Variants in TEAD1 observed in about 807,000 individuals in gnomAD.
TEAD1 encodes the protein transcriptional enhancer factor TEF-1.
In TEAD1, 9 loss-of-function variants were observed where a neutral mutation model predicts 54.9. The ratio of observed to expected loss-of-function variants is 0.16; its 90% CI spans 0.10 to 0.29. The LOEUF (loss-of-function observed/expected upper bound fraction) is 0.29. Among genes scored for constraint, TEAD1 ranks in the 10% least tolerant of loss-of-function variants. The pLI, the probability that TEAD1 is intolerant of heterozygous loss-of-function variation, is 1.00. For missense variants in TEAD1, 387 were observed against 535.9 expected, an observed-to-expected ratio of 0.72 and a Z score of 2.74; for synonymous variants, 200 against 187.8, an observed-to-expected ratio of 1.07 and a Z score of -0.53.
At chr11:12,726,369 G>C (rs1039446675) in intron 2 of TEAD1, among the ~76,000 whole-genome samples, 2 of 152,190 alleles carry the variant, frequency 1.3e-5, no homozygotes, top group African/African-American at 4.8e-5. Context: ...TATGTGCTTG[G>C]AGACCGCAGA....
intron 2 of TEAD1, among the ~76,000 whole-genome samples, chr11:12,689,657 G>A (rs955683844): frequency 3.3e-5 from 5 of 152,098 alleles, no homozygotes; most frequent in African/African-American, 1.2e-4. Context: ...GAAGGAGGGG[G>A]TCAGGAGCAG....
intron 3 of TEAD1, among the ~76,000 whole-genome samples, chr11:12,852,801 C>T (rs992887115): frequency 2.6e-5 from 4 of 152,150 alleles, no homozygotes; most frequent in Non-Finnish European, 5.9e-5. Context: ...ATGTGAAAGA[C>T]ATGGACTGTA....
chr11:12,730,821 C>G (rs1157505119), intron 2 of TEAD1, among the ~76,000 whole-genome samples: 1 of 151,156 alleles, frequency 6.6e-6, no homozygotes, highest in African/African-American at 2.4e-5. Flanking sequence ...ATGCCTCAGC[C>G]TCCCAAGCAG....
At chr11:12,931,428 C>G (rs1949008722) in intron 12 of TEAD1, among the ~76,000 whole-genome samples, 1 of 152,192 alleles carries the variant, frequency 6.6e-6, no homozygotes, top group African/African-American at 2.4e-5. Flanking sequence ...CAAGGCTATA[C>G]TGTGGCCAAA....
chr11:12,930,043 T>C, intron 11 of TEAD1, 131 bp from the exon 12 acceptor site: 3 of 959,480 alleles, frequency 3.1e-6, no homozygotes, highest in Non-Finnish European at 4.9e-6. Context: ...TTAAGTAGAT[T>C]ACGTAAGTAG....
intron 2 of TEAD1, among the ~76,000 whole-genome samples, chr11:12,734,966 C>T (rs1029118986): frequency 1.3e-5 from 2 of 152,112 alleles, no homozygotes; most frequent in Non-Finnish European, 2.9e-5. Flanking sequence ...TTTGAAAGAT[C>T]TAAGATGATA....
At chr11:12,701,379 A>G (rs928654341) in intron 2 of TEAD1, among the ~76,000 whole-genome samples, 1 of 152,202 alleles carries the variant, frequency 6.6e-6, no homozygotes. Context: ...TTACTTTTCC[A>G]GAACCTGTAG....
At chr11:12,749,588 C>G (rs1046113245) in intron 2 of TEAD1, among the ~76,000 whole-genome samples, 2 of 152,000 alleles carry the variant, frequency 1.3e-5, no homozygotes, top group African/African-American at 4.8e-5. Context: ...CTCACAGCAC[C>G]CTGGGCCATG....
intron 3 of TEAD1, among the ~76,000 whole-genome samples, chr11:12,817,673 C>T (rs980158307): frequency 6.6e-6 from 1 of 152,072 alleles, no homozygotes; most frequent in Admixed American, 6.6e-5. Context: ...TCAATGTTAA[C>T]GTGTTAATAT....
chr11:12,821,961 C>CTTTTCTTTTTTTTTTTTT (rs1946556887), intron 3 of TEAD1, among the ~76,000 whole-genome samples: 1 of 68,084 alleles, frequency 1.5e-5, no homozygotes. Flanking sequence ...TTCTCTTTTC[C>CTTTTCTTTTTTTTTTTTT]TTTTTTTTTT....
At chr11:12,851,815 A>G (rs956996150) in intron 3 of TEAD1, among the ~76,000 whole-genome samples, 1 of 151,718 alleles carries the variant, frequency 6.6e-6, no homozygotes, top group African/African-American at 2.4e-5. Context: ...AAAAAAAAAA[A>G]CTATTTATTG....
chr11:12,683,332 TAGTCC>T (rs1335969543), intron 2 of TEAD1, among the ~76,000 whole-genome samples: 1 of 152,254 alleles, frequency 6.6e-6, no homozygotes, highest in Non-Finnish European at 1.5e-5. Flanking sequence ...TTTGCATCTC[TAGTCC>T]TAAGGATCTG....
chr11:12,819,403 C>T (rs969008526), intron 3 of TEAD1, among the ~76,000 whole-genome samples: 2 of 151,242 alleles, frequency 1.3e-5, no homozygotes, highest in African/African-American at 4.8e-5. Flanking sequence ...CCATTTATGC[C>T]TTATGCACTT....
rs974030290 is a variant in TEAD1, at chr11:12,674,455, C to G, written c.-587C>G. 5.3e-5 allele frequency: 8 copies of G among 151,642 alleles called. No homozygotes were observed. The highest frequency in any genetic ancestry group is 1.9e-4 in the South Asian group (1 of 5,256). The allele number at this position is 151,642 out of a possible 1,614,324, so 9.4% of individuals were successfully genotyped here. A position where few individuals can be genotyped will look rare whatever the true frequency, so the allele number is the denominator to read the frequency against. ...ATTCTTAGCATCGCTCGCGCCGCGC[C>G]GCGCCGCCTGAGCCGAGCCGAGCCT... is the stretch of plus-strand genomic sequence containing the variant. On this transcript the variant is annotated 5_prime_UTR_variant, in exon 1 of 13. Coordinates refer to ENST00000527636, the MANE Select transcript of TEAD1 (RefSeq NM_021961.6).
chr11:12,850,730 G>A (rs1488508287), intron 3 of TEAD1, among the ~76,000 whole-genome samples: 1 of 152,186 alleles, frequency 6.6e-6, no homozygotes, highest in Admixed American at 6.5e-5. Flanking sequence ...CACTTCAAAT[G>A]TGTGGATTTC....
chr11:12,739,685 T>C (rs1432429320), intron 2 of TEAD1, among the ~76,000 whole-genome samples: 1 of 152,218 alleles, frequency 6.6e-6, no homozygotes, highest in African/African-American at 2.4e-5. Context: ...AAATATTCAC[T>C]GATCAACACA....
chr11:12,883,001 G>T lies in TEAD1; in HGVS notation c.575G>T (p.Gly192Val). The stretch of plus-strand genomic sequence containing the variant: ...TCAAAGGTGACGATTGCTCTTTCAG[G>T]GTTTGAGCCTGCATCGGCCCCAGCT... The change falls in exon 9 of 13, where the codon GGG (glycine) becomes GTG (valine). Residue 192 changes from glycine (G) to valine (V), a missense_variant and splice_region_variant. Around this residue, in one of 5 missense-constraint regions of TEAD1, gnomAD observed 180 missense variants for 180.6 expected, o/e 1.00. Transcript: ENST00000527636. 2 of 1,614,110 alleles carry T rather than the reference G, an allele frequency of 1.2e-6. No individual in the cohort carries two copies. The highest frequency in any genetic ancestry group is 1.3e-5 in the African/African-American group (1 of 75,006).
intron 3 of TEAD1, among the ~76,000 whole-genome samples, chr11:12,829,352 C>T (rs939698632): frequency 1.3e-5 from 2 of 152,098 alleles, no homozygotes; most frequent in East Asian, 3.9e-4. Context: ...TGTAAGCATC[C>T]CTTAAACTCT....
chr11:12,915,190 A>G (rs1948688235), intron 10 of TEAD1, among the ~76,000 whole-genome samples: 3 of 152,046 alleles, frequency 2.0e-5, no homozygotes, highest in South Asian at 2.1e-4. Context: ...CTCGCGCCTT[A>G]GAGGTTATCT....
Sources: gnomAD v4.1 joint callset for allele counts (sites outside exome capture counted in the v4.1 genomes callset) on GRCh38, gnomAD v4.1.1 for gene constraint, gnomAD v4.1.1 regional missense constraint, MANE v1.5 for transcripts, NCBI Gene and HGNC (gene_info 2026-07-23, HGNC 2026-07-21) for gene names.